RIMS1: variants seen among roughly 807,000 people sequenced by gnomAD.
RIMS1 encodes regulating synaptic membrane exocytosis 1, also known as regulating synaptic membrane exocytosis protein 1.
In RIMS1, 83 loss-of-function variants were observed where a neutral mutation model predicts 214.1. The observed-to-expected ratio is 0.39, with a 90% CI of 0.32 to 0.47. The LOEUF (loss-of-function observed/expected upper bound fraction) is 0.47, where lower values mean the gene tolerates loss of function less well. RIMS1 is among the 20% of genes least tolerant of loss of function. The pLI, the probability that RIMS1 is intolerant of heterozygous loss-of-function variation, is 0.99. For missense variants in RIMS1, 2,050 were observed against 2,161.8 expected (o/e 0.95, Z 1.03); for synonymous variants, 793 against 786.8 (o/e 1.01, Z -0.13).
intron 8 of RIMS1, among the ~76,000 whole-genome samples, chr6:72,237,432 T>C (rs999925199): frequency 3.3e-5 from 5 of 152,048 alleles, no homozygotes; most frequent in Admixed American, 1.3e-4. Flanking sequence ...CTCAACACTT[T>C]GGGAGGCCGA....
At chr6:72,213,610 A>C (rs114228294) in intron 6 of RIMS1, among the ~76,000 whole-genome samples, 1 of 152,156 alleles carries the variant, frequency 6.6e-6, no homozygotes, top group Non-Finnish European at 1.5e-5. Context: ...ATGCTTTACT[A>C]TCTCATACAA....
chr6:72,035,116 T>C (rs551313960), intron 2 of RIMS1, among the ~76,000 whole-genome samples: 2 of 152,242 alleles, frequency 1.3e-5, no homozygotes, highest in Admixed American at 1.3e-4. Flanking sequence ...TCAATGTCTT[T>C]ATCTGTAAAA....
chr6:72,156,279 C>T lies in RIMS1; in HGVS notation c.472-23296C>T, dbSNP rs1339520644. On this transcript the variant is annotated intron_variant, in intron 4 of 33. Coordinates refer to ENST00000521978, the MANE Select transcript of RIMS1 (RefSeq NM_014989.7). ...TAAAAACATACAATGTAATATTATT[C>T]GGCCTTAAAAAAGAAGGAATTCCTA... Among the ~76,000 whole-genome samples, 18 of 140,498 alleles carry T rather than the reference C, an allele frequency of 1.3e-4. 4 individuals carry two copies. The highest frequency in any genetic ancestry group is 8.0e-4 in the Admixed American group (11 of 13,726). 92.2% of individuals were successfully genotyped at this position (140,498 alleles called of 152,430 possible).
intron 1 of RIMS1, among the ~76,000 whole-genome samples, chr6:71,953,982 G>A (rs1790425836): frequency 6.6e-6 from 1 of 152,172 alleles, no homozygotes; most frequent in South Asian, 2.1e-4. Context: ...TTAGAACATA[G>A]TGATGGACAA....
chr6:72,185,183 G>C (rs776404753), intron 6 of RIMS1, among the ~76,000 whole-genome samples: 1 of 152,114 alleles, frequency 6.6e-6, no homozygotes, highest in African/African-American at 2.4e-5. Flanking sequence ...GACCTTAAAG[G>C]CTCATTTGAC....
chr6:72,139,352 C>T (rs879705061), intron 4 of RIMS1, among the ~76,000 whole-genome samples: 4 of 152,176 alleles, frequency 2.6e-5, no homozygotes, highest in Non-Finnish European at 5.9e-5. Flanking sequence ...GAATGACTTC[C>T]TTTATAAGTC....
Position 72,044,433 on chromosome 6 carries a change from C to T in RIMS1, c.246-52516C>T, listed in dbSNP as rs181460339. 2.6e-5 allele frequency among the ~76,000 whole-genome samples: 4 copies of T among 151,860 alleles called. No individual in the cohort carries two copies. In the East Asian group the frequency reaches 7.7e-4, roughly 29 times the overall value. On this transcript the variant is annotated intron_variant, in intron 2 of 33. Coordinates refer to ENST00000521978, the MANE Select transcript of RIMS1 (RefSeq NM_014989.7). ...TTTCAGTTCCTTGAAAGACACTGTT[C>T]AGAAAATGACTGAAAACCAGACTTA...
At chr6:72,003,855 G>A (rs568959593) in intron 2 of RIMS1, among the ~76,000 whole-genome samples, 5 of 147,894 alleles carry the variant, frequency 3.4e-5, no homozygotes, top group Non-Finnish European at 4.5e-5. Context: ...TTTTTTTTTC[G>A]ATTTTCCTTT....
intron 1 of RIMS1, among the ~76,000 whole-genome samples, chr6:71,966,585 C>T (rs575770186): frequency 1.2e-4 from 18 of 152,160 alleles, no homozygotes; most frequent in African/African-American, 3.4e-4. Context: ...TGCAGTGGCA[C>T]GATCTCAGCT....
At chr6:72,189,225 C>T (rs1442232477) in intron 6 of RIMS1, among the ~76,000 whole-genome samples, 1 of 152,148 alleles carries the variant, frequency 6.6e-6, no homozygotes, top group Non-Finnish European at 1.5e-5. Flanking sequence ...AGAACTTTGC[C>T]TGAGCCCTGC....
chr6:72,070,446 T>TTA (rs1348424927), intron 2 of RIMS1, among the ~76,000 whole-genome samples: 1 of 152,190 alleles, frequency 6.6e-6, no homozygotes, highest in Non-Finnish European at 1.5e-5. Flanking sequence ...CAAAATATCA[T>TTA]TATATGATGA....
chr6:71,896,765 G>A (rs1316560846), intron 1 of RIMS1, among the ~76,000 whole-genome samples: 1 of 152,062 alleles, frequency 6.6e-6, no homozygotes, highest in Non-Finnish European at 1.5e-5. Flanking sequence ...ATATCCTTTT[G>A]ATTTGCCTTC....
At chr6:72,365,901 C>A (rs182286975) in intron 29 of RIMS1, 1 of 152,152 alleles carries the variant, frequency 6.6e-6, no homozygotes, top group Non-Finnish European at 1.5e-5. Flanking sequence ...TTGAAGAAGA[C>A]GGGCCTTAGA....
chr6:72,053,587 T>C (rs924313714), intron 2 of RIMS1, among the ~76,000 whole-genome samples: 1 of 152,144 alleles, frequency 6.6e-6, no homozygotes, highest in Admixed American at 6.6e-5. Context: ...ACTATACACA[T>C]AAAGATATAT....
chr6:72,183,745 C>T (rs1052583513), intron 6 of RIMS1, among the ~76,000 whole-genome samples: 1 of 150,618 alleles, frequency 6.6e-6, no homozygotes, highest in Admixed American at 6.6e-5. Flanking sequence ...AACTTGTGGA[C>T]GAACCGGGTA....
intron 2 of RIMS1, among the ~76,000 whole-genome samples, chr6:71,991,596 A>T (rs1195253631): frequency 6.6e-6 from 1 of 152,240 alleles, no homozygotes; most frequent in Non-Finnish European, 1.5e-5. Context: ...TCTATTTCAT[A>T]ACAGAGTTTC....
intron 2 of RIMS1, among the ~76,000 whole-genome samples, chr6:72,058,999 A>G (rs1827121866): frequency 6.6e-6 from 1 of 152,216 alleles, no homozygotes; most frequent in African/African-American, 2.4e-5. Context: ...TAATTTACTC[A>G]TTTAAACATA....
chr6:72,251,060 G>A lies in RIMS1; in HGVS notation c.2512G>A (p.Val838Met). 1 of 1,586,654 alleles carries A rather than the reference G, an allele frequency of 6.3e-7. No individual in the cohort carries two copies. The highest frequency in any genetic ancestry group is 8.6e-7 in the Non-Finnish European group (1 of 1,165,348). ...LEITVWDQPR[V>M]QEEESEFLGE... ...AATAACTGTGTGGGACCAACCAAGA[G>A]TGCAAGAAGAAGAAAGTGAATTTCT... Residue 838 changes from valine to methionine, a missense_variant, in exon 14 of 34, where the codon GTG (valine) becomes ATG (methionine). Physicochemically the swap from Val to Met is conservative, Grantham distance 21. Transcript: ENST00000521978.
chr6:72,274,317 G>T (rs371694010), intron 22 of RIMS1, 32 bp from the exon 23 acceptor site: 31 of 1,522,068 alleles, frequency 2.0e-5, no homozygotes, highest in African/African-American at 5.5e-5. Context: ...TAAATGTCCT[G>T]TTTTTTCCTG....
Sources: allele counts gnomAD v4.1 joint callset (sites outside exome capture counted in the v4.1 genomes callset), GRCh38; gene constraint gnomAD v4.1.1; transcripts MANE v1.5; gene names NCBI Gene and HGNC (gene_info 2026-07-23, HGNC 2026-07-21).